ERRFI1: variants seen among roughly 807,000 people sequenced by gnomAD.
ERRFI1 encodes ERBB receptor feedback inhibitor 1.
In ERRFI1, 12 loss-of-function variants were observed where a neutral mutation model predicts 14.6. The observed-to-expected ratio is 0.82, with a 90% CI of 0.53 to 1.33. The LOEUF is 1.33. Ranked by LOEUF, ERRFI1 falls within the 40% of genes most tolerant of loss-of-function variation. The pLI is 0.00. For missense variants in ERRFI1, 482 were observed against 572.1 expected (o/e 0.84, Z 1.61); for synonymous variants, 202 against 209.9 (o/e 0.96, Z 0.32).
At chr1:8,021,792 C>T (rs147064726) in intron 1 of ERRFI1, among the ~76,000 whole-genome samples, 140 of 152,286 alleles carry the variant, frequency 9.2e-4, no homozygotes, top group Middle Eastern at 3.4e-3. Context: ...ACTTGAGGCA[C>T]AGAGTTAAAG....
In ERRFI1 at chr1:8,015,558, T is replaced by G; in HGVS notation, c.62A>C (p.His21Pro). The G allele has an allele frequency of 5.0e-6, 8 of 1,614,176 alleles. No individual in the cohort carries two copies. Among genetic ancestry groups the G allele is most frequent in the Non-Finnish European group, 5.9e-6 (7 of 1,179,998 alleles). ...IRVPLKTGFL[H>P]NGRAMGNMRK... is the part of the protein sequence containing the mutation. The stretch of plus-strand genomic sequence containing the variant: ...CATATTCCCCATGGCTCGGCCATTA[T>G]GTAGAAATCCAGTTTTTAATGGGAC... Residue 21 changes from histidine (H) to proline (P), a missense_variant, in exon 2 of 4, where the codon CAT (histidine) becomes CCT (proline). His to Pro is a moderately conservative substitution (Grantham distance 77, BLOSUM62 -2). Transcript: ENST00000377482.
chr1:8,024,938 A>C (rs1194342225), intron 1 of ERRFI1, among the ~76,000 whole-genome samples: 3 of 152,222 alleles, frequency 2.0e-5, no homozygotes, highest in African/African-American at 7.2e-5. Flanking sequence ...CAGTTAAAAA[A>C]ATAGGTACGG....
intron 1 of ERRFI1, among the ~76,000 whole-genome samples, chr1:8,025,805 C>T (rs1362669125): frequency 6.6e-6 from 1 of 152,178 alleles, no homozygotes; most frequent in Non-Finnish European, 1.5e-5. Context: ...GCTGCGGGGA[C>T]GTATCCCGGG....
intron 1 of ERRFI1, among the ~76,000 whole-genome samples, chr1:8,025,864 A>G (rs1264563777): frequency 4.6e-5 from 7 of 152,082 alleles, no homozygotes; most frequent in Non-Finnish European, 1.0e-4. Flanking sequence ...CGACGACCAC[A>G]GCCGGCGTGG....
At position 8,014,228 on chromosome 1, in the gene ERRFI1, C is replaced by A; in HGVS notation, c.371G>T (p.Cys124Phe). 2 of 1,614,072 alleles carry A rather than the reference C, an allele frequency of 1.2e-6. No individual in the cohort carries two copies. Among genetic ancestry groups the A allele is most frequent in the East Asian group, 4.5e-5 (2 of 44,872 alleles). ...GFKKLTVNGV[C>F]ASTPPLTPIK... The stretch of plus-strand genomic sequence containing the variant: ...GGGTGTCAGTGGAGGGGTGGAAGCA[C>A]AAACCCCATTCACTGTGAGTTTCTT... Residue 124 changes from cysteine to phenylalanine, a missense_variant, in exon 4 of 4, where the codon TGT becomes TTT. By Grantham distance (205) the Cys-to-Phe change is radical (BLOSUM62 -2). Transcript: ENST00000377482.
Position 8,013,937 on chromosome 1 carries a change from T to A in ERRFI1, c.662A>T (p.Asp221Val), listed in dbSNP as rs1641131476. The A allele has an allele frequency of 1.2e-6, 2 of 1,614,182 alleles. No individual in the cohort carries two copies. The highest frequency in any genetic ancestry group is 4.5e-5 in the East Asian group (2 of 44,884). The change falls in exon 4 of 4, where the codon GAT becomes GTT. Residue 221 changes from aspartate (D) to valine (V), a missense_variant. By Grantham distance (152) the Asp-to-Val change is radical. Transcript: ENST00000377482. The surrounding 1 kb of genome is among the most constrained non-coding windows in gnomAD (Gnocchi z 4.3). Reference sequence around the variant, plus strand: ...ATTTTGGTCAGACACATAGCTGAGATCTGCTGCAGAAACAGCTGGGGTATC... The same window carrying A: ...ATTTTGGTCAGACACATAGCTGAGAACTGCTGCAGAAACAGCTGGGGTATC... Reference protein sequence around the residue: ...YFDTPAVSAADLSYVSDQNGG... With the variant: ...YFDTPAVSAAVLSYVSDQNGG...
At position 8,013,464 on chromosome 1, in the gene ERRFI1, T is replaced by C. The variant is rs1387309100; in HGVS notation, c.1135A>G (p.Ile379Val). The part of the protein sequence containing the change: ...SEGSASKVPC[I>V]LPIIENGKKV... Reference sequence around the variant, plus strand: ...TTCCCATTTTCAATAATGGGCAGAATGCAAGGAACCTTACTGGCAGATCCT... The same window carrying C: ...TTCCCATTTTCAATAATGGGCAGAACGCAAGGAACCTTACTGGCAGATCCT... The change falls in exon 4 of 4, where the codon ATT becomes GTT. Residue 379 changes from isoleucine to valine, a missense_variant. By Grantham distance (29) the Ile-to-Val change is conservative. Transcript: ENST00000377482. The surrounding 1 kb of genome is among the most constrained non-coding windows in gnomAD (Gnocchi z 4.3). 1.9e-6 allele frequency: 3 copies of C among 1,614,102 alleles called. No individual in the cohort carries two copies. The highest frequency in any genetic ancestry group is 2.2e-5 in the East Asian group (1 of 44,894).
chr1:8,015,786 G>A, intron 1 of ERRFI1, 94 bp from the exon 2 acceptor site: 4 of 798,440 alleles, frequency 5.0e-6, no homozygotes, highest in Non-Finnish European at 7.6e-6. Flanking sequence ...CAGAGGATTT[G>A]GGGGATGCTG....
intron 1 of ERRFI1, among the ~76,000 whole-genome samples, chr1:8,021,908 T>C (rs75946119): frequency 6.6e-6 from 1 of 152,212 alleles, no homozygotes; most frequent in Admixed American, 6.5e-5. Flanking sequence ...TGCCTCTTCC[T>C]GTCCCTACGG....
In ERRFI1 at chr1:8,013,339, G is replaced by A. The variant is rs373519813; in HGVS notation, c.1260C>T (p.Gly420=). The A allele has an allele frequency of 6.2e-5, 100 of 1,614,044 alleles. No homozygotes were observed. Among genetic ancestry groups the A allele is most frequent in the Middle Eastern group, 1.6e-4 (1 of 6,084 alleles). The part of the protein sequence containing the change: ...FFREAEETNG[G]AQIQPLPADC... ...CAGCAGGTAATGGCTGGATTTGGGC[G>A]CCTCCATTTGTTTCTTCTGCTTCCC... The change falls in exon 4 of 4, where the codon GGC becomes GGT. Residue 420 remains glycine (G), a synonymous_variant. Transcript: ENST00000377482. This position sits in a 1 kb window ranked among gnomAD's most constrained non-coding sequence, Gnocchi z 4.3.
At position 8,013,869 on chromosome 1, in the gene ERRFI1, G is replaced by A. The variant is rs35110052; in HGVS notation, c.730C>T (p.Arg244Ter). ...DPNPPPPQTH[R>*]RLRRSHSGPA... The stretch of plus-strand genomic sequence containing the variant: ...CCCGAATGAGACCTTCTTAATCTTC[G>A]GTGGGTCTGAGGTGGAGGAGGATTT... Residue 244 changes from arginine to a stop codon, truncating the protein, a stop_gained, in exon 4 of 4, where the codon CGA (arginine) becomes TGA (stop). Coordinates refer to ENST00000377482, the MANE Select transcript of ERRFI1 (RefSeq NM_018948.4). LOFTEE classifies it high-confidence loss of function. The surrounding 1 kb of genome is among the most constrained non-coding windows in gnomAD (Gnocchi z 4.3). 3 of 1,614,028 alleles carry A rather than the reference G, an allele frequency of 1.9e-6. No homozygotes were observed. The highest frequency in any genetic ancestry group is 2.5e-6 in the Non-Finnish European group (3 of 1,179,982).
At chr1:8,024,708 T>A (rs1641320400) in intron 1 of ERRFI1, among the ~76,000 whole-genome samples, 1 of 152,220 alleles carries the variant, frequency 6.6e-6, no homozygotes, top group Admixed American at 6.5e-5. Context: ...AAATCCTTTG[T>A]TATTTTTCTT....
At position 8,014,375 on chromosome 1, in the gene ERRFI1, G is replaced by A. The variant is rs980250925; in HGVS notation, c.224C>T (p.Pro75Leu). The stretch of plus-strand genomic sequence containing the variant: ...TTCTGCAAAGCAGTGGCCATTCATC[G>A]GAGCAGATTTGGAAGCATGCCCTGG... Reference protein sequence around the residue: ...IPLGHASKSAPMNGHCFAENG... With the variant: ...IPLGHASKSALMNGHCFAENG... Residue 75 changes from proline to leucine, a missense_variant, in exon 4 of 4, where the codon CCG (proline) becomes CTG (leucine). By Grantham distance (98) the Pro-to-Leu change is moderately conservative (BLOSUM62 -3). Transcript: ENST00000377482. The A allele has an allele frequency of 1.1e-5, 18 of 1,588,380 alleles. No homozygotes were observed. The highest frequency in any genetic ancestry group is 2.3e-5 in the South Asian group (2 of 87,438).
At position 8,018,367 on chromosome 1, in the gene ERRFI1, G is replaced by C. The variant is rs1044808790; in HGVS notation, c.-73-2675C>G. Among the ~76,000 whole-genome samples, 11 of 60,518 alleles carry C rather than the reference G, an allele frequency of 1.8e-4. No homozygotes were observed. The South Asian group carries it at 0.011, about 59-fold the overall frequency. 39.7% of individuals were successfully genotyped at this position (60,518 alleles called of 152,430 possible). Reference sequence around the variant, plus strand: ...TCTAGTATTCAGCACAAATGGAAGCGGGGGGCGGGGGGGGGGGGGGCGCGG... The same window carrying C: ...TCTAGTATTCAGCACAAATGGAAGCCGGGGGCGGGGGGGGGGGGGGCGCGG... On this transcript the variant is annotated intron_variant, in intron 1 of 3. Coordinates refer to ENST00000377482, the MANE Select transcript of ERRFI1 (RefSeq NM_018948.4).
At chr1:8,024,570 T>C (rs572531617) in intron 1 of ERRFI1, among the ~76,000 whole-genome samples, 4 of 152,350 alleles carry the variant, frequency 2.6e-5, no homozygotes, top group African/African-American at 9.6e-5. Context: ...CTAATATATC[T>C]GTCAGGTTAT....
intron 1 of ERRFI1, among the ~76,000 whole-genome samples, chr1:8,021,695 A>G (rs1483549774): frequency 2.0e-5 from 3 of 152,234 alleles, no homozygotes; most frequent in African/African-American, 7.2e-5. Flanking sequence ...CTGCCAGGCA[A>G]GCATGGTTCT....
intron 1 of ERRFI1, among the ~76,000 whole-genome samples, chr1:8,019,731 T>C (rs553771674): frequency 6.6e-6 from 1 of 152,286 alleles, no homozygotes; most frequent in South Asian, 2.1e-4. Flanking sequence ...TGTAACAACC[T>C]TAGGATATGT....
At chr1:8,015,055 T>C (rs1041462439) in intron 3 of ERRFI1, 109 of 455,102 alleles carry the variant, frequency 2.4e-4, no homozygotes, top group Middle Eastern at 5.9e-4. Flanking sequence ...TGAGAACTAA[T>C]TCTTGATTTT....
chr1:8,014,509 C>A, intron 3 of ERRFI1, 113 bp from the exon 4 acceptor site: 1 of 1,028,554 alleles, frequency 9.7e-7, no homozygotes, highest in Non-Finnish European at 1.4e-6. Context: ...GAGTGAAACA[C>A]TTGACTGCTG....
Sources: allele counts gnomAD v4.1 joint callset (sites outside exome capture counted in the v4.1 genomes callset), GRCh38; gene constraint gnomAD v4.1.1; non-coding constraint Gnocchi (gnomAD v3.1); transcripts MANE v1.5; gene names NCBI Gene and HGNC (gene_info 2026-07-23, HGNC 2026-07-21).